PDE4D: variants seen among roughly 807,000 people sequenced by gnomAD.
The protein encoded by PDE4D is 3',5'-cyclic-AMP phosphodiesterase 4D.
In PDE4D, 24 loss-of-function variants were observed where a neutral mutation model predicts 87.4. That is an observed-to-expected ratio of 0.27 (90% CI 0.20 to 0.39). PDE4D has a LOEUF of 0.39. PDE4D is among the 10% of genes least tolerant of loss of function. PDE4D has a pLI of 1.00. For missense variants in PDE4D, 714 were observed against 1,041.0 expected, an observed-to-expected ratio of 0.69 and a Z score of 4.32; for synonymous variants, 384 against 383.2, an observed-to-expected ratio of 1.00 and a Z score of -0.02.
At position 59,998,985 on chromosome 5, in the gene PDE4D, G is replaced by A. The variant is rs186989385; in HGVS notation, c.43-10268C>T. On this transcript the variant is annotated intron_variant, in intron 2 of 16. Transcript: ENST00000502484. ...AAGTATTCTGTAGAGTTTCATCAGCGAGAGAGCTAATTCTCCACCAGAGAC... is the reference window on the plus strand; with the variant it reads ...AAGTATTCTGTAGAGTTTCATCAGCAAGAGAGCTAATTCTCCACCAGAGAC... 3.4e-4 allele frequency among the ~76,000 whole-genome samples: 52 copies of A among 152,262 alleles called. 1 individual carries two copies. The highest frequency in any genetic ancestry group is 1.1e-3 in the African/African-American group (47 of 41,564).
intron 1 of PDE4D, among the ~76,000 whole-genome samples, chr5:59,578,149 G>A (rs1823490373): frequency 6.6e-6 from 1 of 152,142 alleles, no homozygotes; most frequent in South Asian, 2.1e-4. Flanking sequence ...TCTTCCCACT[G>A]TGATTTTTAT....
chr5:59,511,485 T>C (rs921604258), intron 1 of PDE4D, among the ~76,000 whole-genome samples: 1 of 152,008 alleles, frequency 6.6e-6, no homozygotes, highest in African/African-American at 2.4e-5. Flanking sequence ...AAAGTCTTTT[T>C]CTATATATAA....
At chr5:59,537,927 A>T (rs1815564553) in intron 1 of PDE4D, among the ~76,000 whole-genome samples, 1 of 152,192 alleles carries the variant, frequency 6.6e-6, no homozygotes, top group African/African-American at 2.4e-5. Context: ...ACATGTCTAC[A>T]GTAAATATAT....
Position 59,397,055 on chromosome 5 carries a change from T to A in PDE4D, c.456-181087A>T, listed in dbSNP as rs1473146159. On this transcript the variant is annotated intron_variant, in intron 1 of 14. Transcript: ENST00000340635. ...TAACTATCCTAAATATATATGCACC[T>A]GCAGGAGCACCCAGATTCATAAAGC... Among the ~76,000 whole-genome samples, 2 of 128,784 alleles carry A rather than the reference T, an allele frequency of 1.6e-5. 1 individual carries two copies. The highest frequency in any genetic ancestry group is 3.3e-5 in the Non-Finnish European group (2 of 59,782). 84.5% of individuals were successfully genotyped at this position (128,784 alleles called of 152,430 possible). A position where few individuals can be genotyped will look rare whatever the true frequency, so the allele number is the denominator to read the frequency against.
chr5:59,962,530 T>A (rs1017646286), intron 3 of PDE4D, among the ~76,000 whole-genome samples: 10 of 150,724 alleles, frequency 6.6e-5, no homozygotes, highest in African/African-American at 1.5e-4. Flanking sequence ...GAAAAAAAAA[T>A]TTAAATATTT....
At chr5:59,985,131 G>GTTTTTTTTTTTTTT (rs1357220308) in intron 3 of PDE4D, among the ~76,000 whole-genome samples, 1 of 116,086 alleles carries the variant, frequency 8.6e-6, no homozygotes, top group Admixed American at 1.1e-4. Flanking sequence ...TTCGTTTTTT[G>GTTTTTTTTTTTTTT]TTTTTTGTTT....
chr5:59,574,104 T>TTATATATATAAATATATATTTA (rs1822562888), intron 1 of PDE4D, among the ~76,000 whole-genome samples: 1 of 5,178 alleles, frequency 1.9e-4, no homozygotes, highest in Non-Finnish European at 6.2e-4. Flanking sequence ...AAATATATAT[T>TTATATATATAAATATATATTTA]TATATATATA....
chr5:59,232,511 C>CAAAAA (rs34024693), intron 1 of PDE4D, among the ~76,000 whole-genome samples: 2 of 141,840 alleles, frequency 1.4e-5, no homozygotes, highest in African/African-American at 2.6e-5. Context: ...ATTAAAAGAC[C>CAAAAA]AAAAAAAAAA....
intron 1 of PDE4D, among the ~76,000 whole-genome samples, chr5:60,386,816 T>C (rs1190105512): frequency 6.6e-6 from 1 of 152,242 alleles, no homozygotes; most frequent in Non-Finnish European, 1.5e-5. Context: ...TGTACATTGA[T>C]GTGAAAGCTA....
chr5:59,933,792 T>TATATATATATA (rs1561879282), intron 3 of PDE4D, among the ~76,000 whole-genome samples: 29 of 99,422 alleles, frequency 2.9e-4, no homozygotes, highest in African/African-American at 1.3e-3. Flanking sequence ...ATATATATAT[T>TATATATATATA]AATAAGCATT....
intron 3 of PDE4D, among the ~76,000 whole-genome samples, chr5:59,910,895 A>G (rs2152769939): frequency 6.6e-6 from 1 of 152,346 alleles, no homozygotes; most frequent in South Asian, 2.1e-4. Flanking sequence ...GGAACTAGAC[A>G]GTGAACTAAC....
At chr5:59,343,627 T>C (rs1011703948) in intron 1 of PDE4D, among the ~76,000 whole-genome samples, 3 of 152,202 alleles carry the variant, frequency 2.0e-5, no homozygotes, top group Admixed American at 2.0e-4. Flanking sequence ...CACAGGGACA[T>C]TGAGCTATTC....
At chr5:60,377,473 T>G (rs1048127059) in intron 1 of PDE4D, among the ~76,000 whole-genome samples, 1 of 152,208 alleles carries the variant, frequency 6.6e-6, no homozygotes, top group African/African-American at 2.4e-5. Context: ...GAGAAAGCTA[T>G]CAGCTTCAAA....
intron 1 of PDE4D, among the ~76,000 whole-genome samples, chr5:60,368,427 G>A (rs1436308306): frequency 6.6e-6 from 1 of 152,174 alleles, no homozygotes; most frequent in Non-Finnish European, 1.5e-5. Flanking sequence ...GGCAGGATGT[G>A]GGGGTTAGGG....
At chr5:60,081,084 G>C (rs1189457647) in intron 2 of PDE4D, among the ~76,000 whole-genome samples, 2 of 151,678 alleles carry the variant, frequency 1.3e-5, no homozygotes, top group Non-Finnish European at 1.5e-5. Context: ...TCAGGAATTT[G>C]ACTTCTTCCT....
At chr5:59,286,752 T>A (rs1327209936) in intron 1 of PDE4D, among the ~76,000 whole-genome samples, 1 of 152,224 alleles carries the variant, frequency 6.6e-6, no homozygotes, top group Non-Finnish European at 1.5e-5. Flanking sequence ...ACCTGTTTTG[T>A]ATTCTCTATG....
chr5:60,130,788 A>G (rs1779497068), intron 2 of PDE4D, among the ~76,000 whole-genome samples: 1 of 152,170 alleles, frequency 6.6e-6, no homozygotes, highest in Non-Finnish European at 1.5e-5. Flanking sequence ...TGAGCTTTAA[A>G]TTTCAAAGAT....
chr5:59,737,953 T>C (rs1758305817), intron 1 of PDE4D, among the ~76,000 whole-genome samples: 2 of 152,260 alleles, frequency 1.3e-5, no homozygotes, highest in South Asian at 4.1e-4. Flanking sequence ...AACACATTTG[T>C]TTTTCAAGAA....
intron 9 of PDE4D, among the ~76,000 whole-genome samples, chr5:58,990,226 A>G (rs1747574753): frequency 6.6e-6 from 1 of 152,162 alleles, no homozygotes; most frequent in African/African-American, 2.4e-5. Flanking sequence ...AGCTCCAGTC[A>G]AGCACTATTA....
Sources: allele counts gnomAD v4.1 joint callset (sites outside exome capture counted in the v4.1 genomes callset), GRCh38; gene constraint gnomAD v4.1.1; transcripts MANE v1.5; gene names NCBI Gene and HGNC (gene_info 2026-07-23, HGNC 2026-07-21).